Variants in FRMD3 observed in about 807,000 individuals in gnomAD.
FRMD3 encodes the protein FERM domain-containing protein 3.
Under a neutral mutation model 70.2 loss-of-function variants are expected in FRMD3, and 33 were observed. That is an observed-to-expected ratio of 0.47 (90% CI 0.36 to 0.63). FRMD3 has a LOEUF of 0.63. Ranked by LOEUF, FRMD3 falls within the 20% of genes least tolerant of loss-of-function variation. The pLI is 0.00. For missense variants in FRMD3, 632 were observed against 711.4 expected (o/e 0.89, Z 1.27); for synonymous variants, 279 against 255.9 (o/e 1.09, Z -0.86).
chr9:83,425,926 A>C (rs1209852589), intron 1 of FRMD3, among the ~76,000 whole-genome samples: 2 of 151,234 alleles, frequency 1.3e-5, no homozygotes, highest in African/African-American at 2.4e-5. Context: ...AAAAAAAAAA[A>C]AACAACCTTC....
chr9:83,520,149 A>G (rs1192915037), intron 1 of FRMD3, among the ~76,000 whole-genome samples: 1 of 152,220 alleles, frequency 6.6e-6, no homozygotes, highest in Non-Finnish European at 1.5e-5. Context: ...TAATTTAAAA[A>G]AGGAAATATG....
intron 1 of FRMD3, among the ~76,000 whole-genome samples, chr9:83,497,151 C>A (rs1828961429): frequency 6.6e-6 from 1 of 151,980 alleles, no homozygotes; most frequent in South Asian, 2.1e-4. Flanking sequence ...AGAGTAATAC[C>A]CAAATTCAGT....
At chr9:83,504,765 T>C (rs958536743) in intron 1 of FRMD3, among the ~76,000 whole-genome samples, 1 of 152,190 alleles carries the variant, frequency 6.6e-6, no homozygotes, top group African/African-American at 2.4e-5. Context: ...CCTGTGATAA[T>C]TTTTATTTGT....
rs557167452 is a variant in FRMD3 at position 83,244,735 on chromosome 9, A to G, written c.*3183T>C. The G allele has an allele frequency of 2.0e-6, 2 of 985,184 alleles. No homozygotes were observed. The highest frequency in any genetic ancestry group is 2.3e-4 in the East Asian group (2 of 8,816). 61.0% of individuals were successfully genotyped at this position (985,184 alleles called of 1,614,324 possible). On this transcript the variant is annotated 3_prime_UTR_variant, in exon 14 of 14. Coordinates refer to ENST00000304195, the MANE Select transcript of FRMD3 (RefSeq NM_174938.6). The stretch of plus-strand genomic sequence containing the variant: ...ACTATACAAAGGTAAGGCTCCAATC[A>G]CAGTAACATGGCCCCCATATCTCTA...
chr9:83,258,410 G>C (rs933259987), intron 13 of FRMD3, among the ~76,000 whole-genome samples: 1 of 152,218 alleles, frequency 6.6e-6, no homozygotes, highest in Admixed American at 6.5e-5. Context: ...CCAGCAACTT[G>C]TACGTGCACA....
intron 1 of FRMD3, among the ~76,000 whole-genome samples, chr9:83,514,937 C>G (rs1329114059): frequency 6.6e-6 from 1 of 152,156 alleles, no homozygotes; most frequent in African/African-American, 2.4e-5. Context: ...AAAAGGCTGA[C>G]CACGCAATAA....
intron 10 of FRMD3, among the ~76,000 whole-genome samples, chr9:83,302,034 A>T (rs1354993378): frequency 1.3e-5 from 2 of 152,160 alleles, no homozygotes; most frequent in Non-Finnish European, 2.9e-5. Context: ...TTTTTAATGA[A>T]ACGTTAACAG....
the FRMD3 span, among the ~76,000 whole-genome samples, chr9:83,583,853 C>T: frequency 6.6e-6 from 1 of 152,170 alleles, no homozygotes; most frequent in Non-Finnish European, 1.5e-5. Context: ...AGGTAATCTT[C>T]CTGCCTCTGA....
intron 6 of FRMD3, among the ~76,000 whole-genome samples, chr9:83,316,590 T>C (rs2131072344): frequency 6.6e-6 from 1 of 152,366 alleles, no homozygotes; most frequent in Non-Finnish European, 1.5e-5. Context: ...TTTAGTGTTC[T>C]GAAATTTCAC....
At chr9:83,334,170 C>T (rs1823496674) in intron 6 of FRMD3, among the ~76,000 whole-genome samples, 1 of 152,092 alleles carries the variant, frequency 6.6e-6, no homozygotes, top group African/African-American at 2.4e-5. Context: ...AAATATCGAA[C>T]TTTATTTCTA....
intron 1 of FRMD3, among the ~76,000 whole-genome samples, chr9:83,437,036 T>C (rs1355490468): frequency 2.6e-5 from 4 of 152,166 alleles, no homozygotes; most frequent in Non-Finnish European, 5.9e-5. Context: ...GGTTCCACCA[T>C]GTAAAATCCA....
chr9:83,534,146 C>T (rs1829844529), intron 1 of FRMD3, among the ~76,000 whole-genome samples: 1 of 152,214 alleles, frequency 6.6e-6, no homozygotes, highest in Non-Finnish European at 1.5e-5. Flanking sequence ...CATTCAGTAA[C>T]TCCTTCCCTT....
At chr9:83,272,669 C>T (rs1833617826) in intron 13 of FRMD3, among the ~76,000 whole-genome samples, 1 of 148,182 alleles carries the variant, frequency 6.7e-6, no homozygotes, top group African/African-American at 2.5e-5. Flanking sequence ...AGCGCCTCTG[C>T]CCGGCTGCCC....
At chr9:83,273,364 G>A (rs1240419306) in intron 13 of FRMD3, among the ~76,000 whole-genome samples, 1 of 150,814 alleles carries the variant, frequency 6.6e-6, no homozygotes, top group Non-Finnish European at 1.5e-5. Flanking sequence ...CATGTGCTGT[G>A]TCCACTCAGG....
intron 13 of FRMD3, among the ~76,000 whole-genome samples, chr9:83,264,757 A>G (rs1833154089): frequency 6.6e-6 from 1 of 150,464 alleles, no homozygotes; most frequent in African/African-American, 2.4e-5. Flanking sequence ...CTTTAATATA[A>G]TGGAAAATTT....
chr9:83,270,931 CAT>C (rs1460630491), intron 13 of FRMD3, among the ~76,000 whole-genome samples: 2 of 151,728 alleles, frequency 1.3e-5, no homozygotes, highest in African/African-American at 4.8e-5. Context: ...TTCTGTCAAC[CAT>C]ATGTCTTAAC....
At chr9:83,563,157 ACCTTCCC>A in the FRMD3 span, among the ~76,000 whole-genome samples, 4 of 152,128 alleles carry the variant, frequency 2.6e-5, no homozygotes, top group African/African-American at 4.8e-5. Flanking sequence ...AGAATTAAGC[ACCTTCCC>A]AGTTCAGGGG....
intron 6 of FRMD3, among the ~76,000 whole-genome samples, chr9:83,331,561 A>G (rs1203885708): frequency 2.0e-5 from 3 of 152,340 alleles, no homozygotes; most frequent in Admixed American, 2.0e-4. Context: ...GTACACCAAG[A>G]GTGAACTCTA....
chr9:83,477,659 A>G lies in FRMD3; in HGVS notation c.147+60426T>C, dbSNP rs74366763. Reference sequence around the variant, plus strand: ...AAGGTTTTTTGTCTCATCCCCTAGGATTATTTGATTGATCCTGGAGAGGAA... The same window carrying G: ...AAGGTTTTTTGTCTCATCCCCTAGGGTTATTTGATTGATCCTGGAGAGGAA... On this transcript the variant is annotated intron_variant, in intron 1 of 13. Transcript: ENST00000304195. Among the ~76,000 whole-genome samples the G allele has an allele frequency of 2.2e-3, 331 of 152,206 alleles. 3 individuals carry two copies. In the East Asian group the frequency reaches 0.035, roughly 16 times the overall value.
Sources: gnomAD v4.1 joint callset for allele counts (sites outside exome capture counted in the v4.1 genomes callset) on GRCh38, gnomAD v4.1.1 for gene constraint, MANE v1.5 for transcripts, NCBI Gene and HGNC (gene_info 2026-07-23, HGNC 2026-07-21) for gene names.